Variants in PHACTR2 observed in about 807,000 individuals in gnomAD.
PHACTR2 encodes phosphatase and actin regulator 2.
PHACTR2 carries 30 observed loss-of-function variants against 76.0 expected under a neutral mutation model. The ratio of observed to expected loss-of-function variants is 0.39; its 90% CI spans 0.30 to 0.54. The LOEUF (loss-of-function observed/expected upper bound fraction) is 0.54, where lower values mean the gene tolerates loss of function less well. PHACTR2 is among the 20% of genes least tolerant of loss of function. The probability of loss-of-function intolerance (pLI) is 0.61; values close to 1 mark genes in which losing one functional copy is unlikely to be tolerated. For missense variants in PHACTR2, 696 were observed against 781.1 expected, an observed-to-expected ratio of 0.89 and a Z score of 1.30; for synonymous variants, 292 against 292.5, an observed-to-expected ratio of 1.00 and a Z score of 0.02.
chr6:143,771,186 A>ATG (rs1775113819), intron 6 of PHACTR2, among the ~76,000 whole-genome samples: 1 of 34,028 alleles, frequency 2.9e-5, no homozygotes, highest in Non-Finnish European at 4.5e-5. Context: ...ATATATATAT[A>ATG]TATGTGTGTA....
intron 1 of PHACTR2, among the ~76,000 whole-genome samples, chr6:143,661,562 CTTT>C (rs112963559): frequency 2.1e-5 from 3 of 139,582 alleles, no homozygotes; most frequent in East Asian, 2.1e-4. Context: ...AATTTTCTTT[CTTT>C]TTTTTTTTTT....
chr6:143,606,930 T>C (rs931797290), upstream of PHACTR2, among the ~76,000 whole-genome samples: 4 of 152,238 alleles, frequency 2.6e-5, no homozygotes, highest in Non-Finnish European at 5.9e-5. Context: ...ATTTCTGAAC[T>C]ATCACTGACG....
At position 143,672,466 on chromosome 6, in the gene PHACTR2, C is replaced by T. The variant is rs1278883169; in HGVS notation, c.14-39550C>T. 1.3e-5 allele frequency among the ~76,000 whole-genome samples: 2 copies of T among 151,640 alleles called. No individual in the cohort carries two copies. The highest frequency in any genetic ancestry group is 4.8e-5 in the African/African-American group (2 of 41,292). On this transcript the variant is annotated intron_variant, in intron 1 of 11. Transcript: ENST00000305766. The surrounding 1 kb of genome is among the most constrained non-coding windows in gnomAD (Gnocchi z 5.8). The stretch of plus-strand genomic sequence containing the variant: ...ACAGAGCAAGACGCTGTCTCAAAAA[C>T]AAAAAACAAACAAAAAAAGCTGCAA...
intron 2 of PHACTR2, among the ~76,000 whole-genome samples, chr6:143,741,503 T>C (rs1284022128): frequency 1.3e-5 from 2 of 151,936 alleles, no homozygotes; most frequent in Admixed American, 1.3e-4. Flanking sequence ...AAAACAAAAA[T>C]AACAATAATA....
intron 1 of PHACTR2, among the ~76,000 whole-genome samples, chr6:143,649,148 C>T (rs755413238): frequency 2.6e-5 from 4 of 152,034 alleles, no homozygotes; most frequent in Non-Finnish European, 4.4e-5. Context: ...CCAAAGCCCA[C>T]GGCTTTTCCT....
Position 143,653,036 on chromosome 6 carries a change from A to G in PHACTR2, c.13+44714A>G, listed in dbSNP as rs1221716462. Reference sequence around the variant, plus strand: ...GCTCTCTTTCACCCTTGCAAGCTGCAACTGGCAAGAGAATTGTACTTGATG... The same window carrying G: ...GCTCTCTTTCACCCTTGCAAGCTGCGACTGGCAAGAGAATTGTACTTGATG... On this transcript the variant is annotated intron_variant, in intron 1 of 11. Coordinates refer to the PHACTR2 transcript ENST00000305766. The surrounding 1 kb of genome is among the most constrained non-coding windows in gnomAD (Gnocchi z 4.9). Among the ~76,000 whole-genome samples the G allele has an allele frequency of 6.6e-6, 1 of 152,222 alleles. No individual in the cohort carries two copies. Among genetic ancestry groups the G allele is most frequent in the Non-Finnish European group, 1.5e-5 (1 of 68,042 alleles).
chr6:143,769,644 A>T (rs1775043386), intron 6 of PHACTR2, among the ~76,000 whole-genome samples: 1 of 152,116 alleles, frequency 6.6e-6, no homozygotes, highest in Admixed American at 6.5e-5. Context: ...GGACTCTTTG[A>T]AAACCATGAA....
chr6:143,586,745 T>C (rs1775635303), intron 1 of PHACTR2, among the ~76,000 whole-genome samples: 1 of 152,200 alleles, frequency 6.6e-6, no homozygotes, highest in Non-Finnish European at 1.5e-5. Flanking sequence ...GGGCGGTAAC[T>C]CCCAGGTGTT....
At position 143,710,374 on chromosome 6, in the gene PHACTR2, TG is replaced by T. The variant is rs1160677182; in HGVS notation, c.47-1641del. Among the ~76,000 whole-genome samples the T allele has an allele frequency of 6.6e-6, 1 of 152,162 alleles. No individual in the cohort carries two copies. The highest frequency in any genetic ancestry group is 6.5e-5 in the Admixed American group (1 of 15,278). ...AACACCCGTGGTTGTTTTTTTTAGT[TG>T]TATTTAGCCAGAGGAATAAGAAAAA... On this transcript the variant is annotated intron_variant, in intron 1 of 12. Coordinates refer to ENST00000440869, the MANE Select transcript of PHACTR2 (RefSeq NM_001100164.2). The surrounding 1 kb of genome is among the most constrained non-coding windows in gnomAD (Gnocchi z 4.9).
At chr6:143,569,982 G>A (rs756463935) in intron 1 of PHACTR2, among the ~76,000 whole-genome samples, 4 of 152,124 alleles carry the variant, frequency 2.6e-5, no homozygotes, top group African/African-American at 9.7e-5. Flanking sequence ...CACAGAATTC[G>A]ATTCAGTAGA....
intron 1 of PHACTR2, among the ~76,000 whole-genome samples, chr6:143,690,767 T>C (rs959891287): frequency 1.3e-5 from 2 of 152,236 alleles, no homozygotes; most frequent in Admixed American, 1.3e-4. Context: ...AAATATTTTA[T>C]GGACGTTTAA....
chr6:143,770,543 A>G (rs933726402), intron 6 of PHACTR2, among the ~76,000 whole-genome samples: 2 of 152,130 alleles, frequency 1.3e-5, no homozygotes, highest in South Asian at 2.1e-4. Context: ...GAGATTTCCT[A>G]TTTCCCTGTT....
chr6:143,725,495 C>CA (rs113567362), intron 2 of PHACTR2, among the ~76,000 whole-genome samples: 97,843 of 150,920 alleles, frequency 0.65, 32,481 homozygotes, highest in East Asian at 0.79. Context: ...CCACCGCGCC[C>CA]GGCCTGTGCT....
chr6:143,815,261 G>A (rs752230400), intron 12 of PHACTR2, among the ~76,000 whole-genome samples: 2 of 152,124 alleles, frequency 1.3e-5, no homozygotes, highest in Non-Finnish European at 2.9e-5. Context: ...AGCCTCTCAG[G>A]TAGAACAAGG....
chr6:143,779,899 TTTATATTATATTATA>T (rs377378201), intron 9 of PHACTR2, among the ~76,000 whole-genome samples: 19,615 of 140,922 alleles, frequency 0.14, 1,733 homozygotes, highest in South Asian at 0.22. Context: ...CATATACGTA[TTTATATTATATTATA>T]TTATATTATA....
intron 1 of PHACTR2, among the ~76,000 whole-genome samples, chr6:143,573,651 T>C (rs1268119581): frequency 6.6e-6 from 1 of 152,228 alleles, no homozygotes; most frequent in African/African-American, 2.4e-5. Context: ...AACAGATCTT[T>C]TTCTGTGCAT....
At position 143,630,075 on chromosome 6, in the gene PHACTR2, T is replaced by G. The variant is rs147390780; in HGVS notation, c.13+21753T>G. 6.1e-4 allele frequency among the ~76,000 whole-genome samples: 92 copies of G among 151,904 alleles called. No individual in the cohort carries two copies. The East Asian group carries it at 0.016, about 27-fold the overall frequency. On this transcript the variant is annotated intron_variant, in intron 1 of 11. Coordinates refer to the PHACTR2 transcript ENST00000305766. ...GAAGAAGATGAAAATCTTGGATACA[T>G]GACCAAAATAACTTTAATAGTGGGA...
rs1196422880 is a variant in PHACTR2, at chr6:143,822,204, T to G, written c.1923-1470T>G. Among the ~76,000 whole-genome samples, 1 of 152,154 alleles carries G rather than the reference T, an allele frequency of 6.6e-6. No homozygotes were observed. Among genetic ancestry groups the G allele is most frequent in the East Asian group, 1.9e-4 (1 of 5,196 alleles). Reference sequence around the variant, plus strand: ...ATTTTGTTGGCTTTCTTATTTTAATTTTGTTAAGGGACAGGGTCTTACTAT... The same window carrying G: ...ATTTTGTTGGCTTTCTTATTTTAATGTTGTTAAGGGACAGGGTCTTACTAT... On this transcript the variant is annotated intron_variant, in intron 12 of 12. Transcript: ENST00000440869. The surrounding 1 kb of genome is among the most constrained non-coding windows in gnomAD (Gnocchi z 5.5).
rs1224220980 is a variant in PHACTR2 at position 143,625,476 on chromosome 6, C to G, written c.13+17154C>G. Among the ~76,000 whole-genome samples the G allele has an allele frequency of 6.6e-6, 1 of 152,108 alleles. No homozygotes were observed. Among genetic ancestry groups the G allele is most frequent in the Non-Finnish European group, 1.5e-5 (1 of 68,012 alleles). ...TACCGTGAAAATAAACTACTCACAA[C>G]ATCAAAAAGGATAATAAATATTATT... On this transcript the variant is annotated intron_variant, in intron 1 of 11. Transcript: ENST00000305766. This position sits in a 1 kb window ranked among gnomAD's most constrained non-coding sequence, Gnocchi z 4.3.
Sources: gnomAD v4.1 joint callset for allele counts (sites outside exome capture counted in the v4.1 genomes callset) on GRCh38, gnomAD v4.1.1 for gene constraint, Gnocchi (gnomAD v3.1) non-coding constraint, MANE v1.5 for transcripts, NCBI Gene and HGNC (gene_info 2026-07-23, HGNC 2026-07-21) for gene names.